ERICH3: variants seen among roughly 807,000 people sequenced by gnomAD.
The protein encoded by ERICH3 is glutamate-rich protein 3.
Under a neutral mutation model 131.1 loss-of-function variants are expected in ERICH3, and 126 were observed. That is an observed-to-expected ratio of 0.96 (90% CI 0.83 to 1.11). ERICH3 has a LOEUF of 1.11. ERICH3 is among the 50% of genes most tolerant of loss of function. ERICH3 has a pLI of 0.00. For missense variants in ERICH3, 2,050 were observed against 1,810.7 expected, an observed-to-expected ratio of 1.13 and a Z score of -2.40; for synonymous variants, 695 against 644.6, an observed-to-expected ratio of 1.08 and a Z score of -1.18.
At chr1:74,582,470 A>G (rs1647196697) in intron 12 of ERICH3, among the ~76,000 whole-genome samples, 1 of 152,068 alleles carries the variant, frequency 6.6e-6, no homozygotes, top group Non-Finnish European at 1.5e-5. Flanking sequence ...TACAACAGGG[A>G]AAAAAAATCA....
At position 74,586,596 on chromosome 1, in the gene ERICH3, T is replaced by C. The variant is rs957540914; in HGVS notation, c.2176+3035A>G. 13 of 664,316 alleles carry C rather than the reference T, an allele frequency of 2.0e-5. No individual in the cohort carries two copies. In the African/African-American group the frequency reaches 2.4e-4, roughly 12 times the overall value. The allele number at this position is 664,316 out of a possible 1,614,324, so 41.2% of individuals were successfully genotyped here. On this transcript the variant is annotated intron_variant, in intron 12 of 14. Coordinates refer to ENST00000326665, the MANE Select transcript of ERICH3 (RefSeq NM_001002912.5). ...ACTTTTGAACAAAAATTATACTTATTGAAATTTATCTTAAGAAAATGTTTA... is the reference window on the plus strand; with the variant it reads ...ACTTTTGAACAAAAATTATACTTATCGAAATTTATCTTAAGAAAATGTTTA...
chr1:74,663,278 T>C (rs1293586918), intron 1 of ERICH3, among the ~76,000 whole-genome samples: 1 of 152,110 alleles, frequency 6.6e-6, no homozygotes, highest in Non-Finnish European at 1.5e-5. Context: ...AAAGCAGATA[T>C]AAATCCCACA....
chr1:74,654,307 C>T (rs548776803), intron 1 of ERICH3, among the ~76,000 whole-genome samples: 8 of 151,730 alleles, frequency 5.3e-5, no homozygotes, highest in Non-Finnish European at 8.8e-5. Flanking sequence ...TATGTATATC[C>T]TACTGTTAGT....
intron 8 of ERICH3, among the ~76,000 whole-genome samples, chr1:74,615,877 GA>G (rs1176880721): frequency 6.6e-6 from 1 of 152,150 alleles, no homozygotes; most frequent in East Asian, 1.9e-4. Flanking sequence ...AGTGCAAGGA[GA>G]AAAACCTTTC....
intron 7 of ERICH3, among the ~76,000 whole-genome samples, chr1:74,627,008 G>A (rs74093474): frequency 0.032 from 4,864 of 152,042 alleles, 260 homozygotes; most frequent in African/African-American, 0.11. Flanking sequence ...TTGCTGGATG[G>A]TAGTCATAAA....
intron 5 of ERICH3, among the ~76,000 whole-genome samples, 185 bp downstream of exon 5, chr1:74,641,146 G>C (rs899592199): frequency 1.3e-5 from 2 of 152,080 alleles, no homozygotes; most frequent in Non-Finnish European, 2.9e-5. Flanking sequence ...TTTGGCAGTA[G>C]TGATATTGAC....
At chr1:74,620,980 T>C in intron 7 of ERICH3, 66 bp from the exon 8 acceptor site, 3 of 1,300,976 alleles carry the variant, frequency 2.3e-6, no homozygotes, top group Non-Finnish European at 3.1e-6. Flanking sequence ...TTACCTGACA[T>C]TGTAATATGA....
rs537044091 is a variant in ERICH3, at chr1:74,579,860, G to T, written c.2177-2924C>A. 8.1e-6 allele frequency: 8 copies of T among 984,574 alleles called. No individual in the cohort carries two copies. In the African/African-American group the frequency reaches 1.2e-4, roughly 15 times the overall value. The allele number at this position is 984,574 out of a possible 1,614,324, so 61.0% of individuals were successfully genotyped here. A position where few individuals can be genotyped will look rare whatever the true frequency, so the allele number is the denominator to read the frequency against. ...GCAAAGGTGATTGTCAGTTCTCACA[G>T]CATTAGTTGCCAAATGGAATTGTCA... On this transcript the variant is annotated intron_variant, in intron 12 of 14. Coordinates refer to ENST00000326665, the MANE Select transcript of ERICH3 (RefSeq NM_001002912.5).
Position 74,643,033 on chromosome 1 carries a change from C to A in ERICH3, c.309G>T (p.Arg103Ser), listed in dbSNP as rs372062899. ...ETLARKERIQ[R>S]FKGEHTRRSV... ...GAGTTATATAACTCCTTACCTTAAA[C>A]CTCTGGATTCGCTCCTTCCTAGCTA... The change falls in exon 4 of 15, where the codon AGG (arginine) becomes AGT (serine). Residue 103 changes from arginine (R) to serine (S), a missense_variant. By Grantham distance (110) the Arg-to-Ser change is moderately radical. Coordinates refer to ENST00000326665, the MANE Select transcript of ERICH3 (RefSeq NM_001002912.5). The A allele has an allele frequency of 8.7e-6, 14 of 1,607,006 alleles. No homozygotes were observed. The African/African-American group carries it at 1.7e-4, about 20-fold the overall frequency.
chr1:74,673,863 G>C (rs1005286175), upstream of ERICH3: 2 of 270,074 alleles, frequency 7.4e-6, no homozygotes, highest in East Asian at 7.3e-5. Flanking sequence ...ATAGGGAGGA[G>C]ACCCAAGCAA....
intron 7 of ERICH3, chr1:74,623,709 A>G (rs1649315278): frequency 6.6e-6 from 1 of 152,112 alleles, no homozygotes; most frequent in Non-Finnish European, 1.5e-5. Flanking sequence ...AGAGTGATCT[A>G]TTGTTATTAA....
chr1:74,597,132 T>C (rs921849154), intron 11 of ERICH3, among the ~76,000 whole-genome samples: 1 of 152,136 alleles, frequency 6.6e-6, no homozygotes, highest in African/African-American at 2.4e-5. Flanking sequence ...GTCTGGCTTT[T>C]CAACAGAGTA....
chr1:74,572,465 C>CT lies in ERICH3; in HGVS notation c.3244dup (p.Arg1082LysfsTer8), dbSNP rs1646971116. 1 of 1,613,942 alleles carries CT rather than the reference C, an allele frequency of 6.2e-7. No individual in the cohort carries two copies. The highest frequency in any genetic ancestry group is 1.3e-5 in the African/African-American group (1 of 74,906). ...ATCTTCATCCTTGAGTGCATTTGCCCTTGTCACCTCTTCTCTCTCAGAGTC... is the reference window on the plus strand; with the variant it reads ...ATCTTCATCCTTGAGTGCATTTGCCCTTTGTCACCTCTTCTCTCTCAGAGTC... On this transcript the variant is annotated frameshift_variant, in exon 14 of 15. Coordinates refer to ENST00000326665, the MANE Select transcript of ERICH3 (RefSeq NM_001002912.5). LOFTEE classifies it high-confidence loss of function.
intron 1 of ERICH3, among the ~76,000 whole-genome samples, chr1:74,672,911 C>G (rs1271038015): frequency 1.3e-5 from 2 of 152,116 alleles, no homozygotes; most frequent in East Asian, 1.9e-4. Flanking sequence ...CACAGGCACA[C>G]AACTCCTCCC....
In ERICH3 at chr1:74,646,799, T is replaced by C. The variant is rs1646487899; in HGVS notation, c.118-7A>G. ...TTCTTCCACTTCTTGTGATCTGTCA[T>C]GAATAAATAAAATATACATAGAAAT... On this transcript the variant is annotated splice_polypyrimidine_tract_variant and splice_region_variant and intron_variant, in intron 2 of 14. Coordinates refer to ENST00000326665, the MANE Select transcript of ERICH3 (RefSeq NM_001002912.5). The C allele has an allele frequency of 7.1e-7, 1 of 1,412,848 alleles. No homozygotes were observed. Among genetic ancestry groups the C allele is most frequent in the Non-Finnish European group, 9.6e-7 (1 of 1,042,318 alleles). 87.5% of individuals were successfully genotyped at this position (1,412,848 alleles called of 1,614,324 possible). A position where few individuals can be genotyped will look rare whatever the true frequency, so the allele number is the denominator to read the frequency against.
chr1:74,648,690 A>G (rs1171044439), intron 2 of ERICH3, among the ~76,000 whole-genome samples: 1 of 152,180 alleles, frequency 6.6e-6, no homozygotes, highest in Non-Finnish European at 1.5e-5. Context: ...AAGGTTTCAC[A>G]TTGTATACAT....
chr1:74,634,701 C>T (rs1209996723), intron 6 of ERICH3: 1 of 710,816 alleles, frequency 1.4e-6, no homozygotes, highest in Non-Finnish European at 2.6e-6. Flanking sequence ...CAAGTACTAT[C>T]TAGGGGAGAG....
chr1:74,607,113 C>CA (rs1404037018), intron 9 of ERICH3, among the ~76,000 whole-genome samples: 1 of 151,876 alleles, frequency 6.6e-6, no homozygotes, highest in Non-Finnish European at 1.5e-5. Context: ...AAACAAACAA[C>CA]AAATTCTTAA....
In ERICH3 at chr1:74,572,459, T is replaced by C; in HGVS notation, c.3251A>G (p.Asn1084Ser). The C allele has an allele frequency of 6.2e-7, 1 of 1,614,148 alleles. No individual in the cohort carries two copies. ...DSEREEVTRA[N>S]ALKDEDAFKE... is the part of the protein sequence containing the mutation. ...AAAAGCATCTTCATCCTTGAGTGCA[T>C]TTGCCCTTGTCACCTCTTCTCTCTC... Residue 1084 changes from asparagine to serine, a missense_variant, in exon 14 of 15, where the codon AAT becomes AGT. Physicochemically the swap from Asn to Ser is conservative, Grantham distance 46. Transcript: ENST00000326665.
Sources: gnomAD v4.1 joint callset for allele counts (sites outside exome capture counted in the v4.1 genomes callset) on GRCh38, gnomAD v4.1.1 for gene constraint, MANE v1.5 for transcripts, NCBI Gene and HGNC (gene_info 2026-07-23, HGNC 2026-07-21) for gene names.